Variants in ZNF385D observed in about 807,000 individuals in gnomAD.
ZNF385D encodes zinc finger protein 385D.
A neutral mutation model predicts 35.8 loss-of-function variants in ZNF385D; 15 were observed. The observed-to-expected ratio is 0.42, with a 90% CI of 0.28 to 0.64. The LOEUF is 0.64. Among genes scored for constraint, ZNF385D ranks in the 30% least tolerant of loss-of-function variants. The pLI, the probability that ZNF385D is intolerant of heterozygous loss-of-function variation, is 0.23. For missense variants in ZNF385D, 474 were observed against 494.6 expected, an observed-to-expected ratio of 0.96 and a Z score of 0.39; for synonymous variants, 212 against 186.8, an observed-to-expected ratio of 1.13 and a Z score of -1.10.
intron 1 of ZNF385D, among the ~76,000 whole-genome samples, chr3:21,674,895 A>AATGGATGGATGGATGG (rs150113836): frequency 2.0e-5 from 3 of 150,308 alleles, no homozygotes; most frequent in African/African-American, 4.9e-5. Flanking sequence ...TTGTTTTAGA[A>AATGGATGGATGGATGG]ATGGATGGAT....
chr3:21,511,020 G>T lies in ZNF385D; in HGVS notation c.280C>A (p.Gln94Lys). The change falls in exon 4 of 8, where the codon CAG (glutamine) becomes AAG (lysine). Residue 94 changes from glutamine (Q) to lysine (K), a missense_variant. Gln to Lys is a moderately conservative substitution (Grantham distance 53, BLOSUM62 1). Transcript: ENST00000281523. ...GTGCCTTTGTAGTGGGCCGCAGCCT[G>T]GCTCTACAAAGGAGAACAAAATGAA... ...ICQLRFNSDS[Q>K]AAAHYKGTKH... 6.2e-7 allele frequency: 1 copy of T among 1,613,960 alleles called. No individual in the cohort carries two copies. The highest frequency in any genetic ancestry group is 1.3e-5 in the African/African-American group (1 of 75,000).
intron 3 of ZNF385D, among the ~76,000 whole-genome samples, chr3:22,062,378 C>A (rs1232703217): frequency 1.3e-5 from 2 of 152,122 alleles, no homozygotes; most frequent in African/African-American, 4.8e-5. Flanking sequence ...TTAAAATAAT[C>A]TTTCTTCTAA....
chr3:21,428,992 A>G (rs1701161314), intron 5 of ZNF385D, among the ~76,000 whole-genome samples: 1 of 133,964 alleles, frequency 7.5e-6, no homozygotes, highest in Non-Finnish European at 1.6e-5. Flanking sequence ...GGAAAGATAC[A>G]TATTACGCTT....
chr3:21,777,365 CCTCT>C (rs1407530674), intron 3 of ZNF385D, among the ~76,000 whole-genome samples: 1 of 151,926 alleles, frequency 6.6e-6, no homozygotes, highest in Non-Finnish European at 1.5e-5. Flanking sequence ...CCCTAAATGC[CCTCT>C]CTCTCTACCG....
chr3:21,838,312 T>G (rs1247863842), intron 3 of ZNF385D, among the ~76,000 whole-genome samples: 2 of 152,068 alleles, frequency 1.3e-5, no homozygotes, highest in Non-Finnish European at 2.9e-5. Flanking sequence ...AGACAGGTAC[T>G]TGGAGGATCT....
At chr3:21,485,496 G>A (rs530605820) in intron 4 of ZNF385D, among the ~76,000 whole-genome samples, 1 of 152,166 alleles carries the variant, frequency 6.6e-6, no homozygotes, top group East Asian at 1.9e-4. Flanking sequence ...GAATGCCTTG[G>A]CACTCTTTTC....
chr3:21,994,897 A>C (rs1002959817), intron 3 of ZNF385D, among the ~76,000 whole-genome samples: 1 of 152,202 alleles, frequency 6.6e-6, no homozygotes, highest in Non-Finnish European at 1.5e-5. Flanking sequence ...TGGGTACTTT[A>C]GATCAGCTGG....
At chr3:21,830,623 T>C (rs17009663) in intron 3 of ZNF385D, among the ~76,000 whole-genome samples, 10,692 of 152,256 alleles carry the variant, frequency 0.07, 545 homozygotes, top group East Asian at 0.2. Flanking sequence ...CTGTCGAAGA[T>C]GAGATTGACC....
intron 1 of ZNF385D, among the ~76,000 whole-genome samples, chr3:21,748,951 C>T (rs529850987): frequency 6.6e-6 from 1 of 152,056 alleles, no homozygotes; most frequent in East Asian, 1.9e-4. Context: ...CAGGTGGGCT[C>T]CCAAAGTTGT....
At chr3:22,025,386 T>G (rs945925892) in intron 3 of ZNF385D, among the ~76,000 whole-genome samples, 1 of 152,120 alleles carries the variant, frequency 6.6e-6, no homozygotes, top group African/African-American at 2.4e-5. Flanking sequence ...AGAGGTGACG[T>G]TGAGAGTGTG....
At chr3:22,065,569 C>T (rs990803812) in intron 3 of ZNF385D, among the ~76,000 whole-genome samples, 5 of 152,074 alleles carry the variant, frequency 3.3e-5, no homozygotes, top group African/African-American at 1.2e-4. Context: ...GATCCTTACA[C>T]AAGAGGAAAT....
intron 4 of ZNF385D, among the ~76,000 whole-genome samples, chr3:21,472,989 C>T (rs1407339029): frequency 1.3e-5 from 2 of 151,978 alleles, no homozygotes; most frequent in African/African-American, 4.8e-5. Context: ...AATCTACTCA[C>T]CACTTCTATT....
intron 1 of ZNF385D, among the ~76,000 whole-genome samples, chr3:21,705,581 G>A (rs1003725299): frequency 6.6e-6 from 1 of 152,166 alleles, no homozygotes. Context: ...CAAAGAATAT[G>A]AGAGTAAGAG....
At chr3:22,083,275 CAA>C (rs1393254403) in intron 3 of ZNF385D, among the ~76,000 whole-genome samples, 1 of 149,878 alleles carries the variant, frequency 6.7e-6, no homozygotes, top group African/African-American at 2.5e-5. Flanking sequence ...TCGGTAATAA[CAA>C]ACTTCTCCGA....
chr3:22,050,013 G>A (rs938499532), intron 3 of ZNF385D, among the ~76,000 whole-genome samples: 1 of 152,036 alleles, frequency 6.6e-6, no homozygotes, highest in African/African-American at 2.4e-5. Context: ...TAGTATCATC[G>A]TAATGTTTCC....
chr3:21,569,653 C>T (rs71310261), intron 2 of ZNF385D, among the ~76,000 whole-genome samples: 29 of 150,766 alleles, frequency 1.9e-4, no homozygotes, highest in African/African-American at 5.9e-4. Context: ...GTTTCTTCCT[C>T]GTCTCGATGG....
At chr3:22,130,853 G>A (rs983555742) in intron 3 of ZNF385D, among the ~76,000 whole-genome samples, 2 of 151,994 alleles carry the variant, frequency 1.3e-5, no homozygotes, top group East Asian at 3.9e-4. Flanking sequence ...GTTCCTTTGG[G>A]GGAACAATCA....
chr3:21,908,038 A>T (rs962087206), intron 3 of ZNF385D, among the ~76,000 whole-genome samples: 6 of 152,138 alleles, frequency 3.9e-5, no homozygotes, highest in African/African-American at 1.4e-4. Flanking sequence ...TGAAGAGGAA[A>T]ATATGTTTAA....
At chr3:21,816,476 G>A (rs1211543756) in intron 3 of ZNF385D, among the ~76,000 whole-genome samples, 3 of 152,152 alleles carry the variant, frequency 2.0e-5, no homozygotes, top group African/African-American at 7.2e-5. Flanking sequence ...AGCAACTTCA[G>A]CAAAGTCTCA....
Sources: allele counts gnomAD v4.1 joint callset (sites outside exome capture counted in the v4.1 genomes callset), GRCh38; gene constraint gnomAD v4.1.1; transcripts MANE v1.5; gene names NCBI Gene and HGNC (gene_info 2026-07-23, HGNC 2026-07-21).